The following PVR variants were observed in gnomAD, a reference collection of about 807,000 sequenced individuals.
PVR encodes the protein PVR cell adhesion molecule.
In PVR, 39 loss-of-function variants were observed where a neutral mutation model predicts 43.3. That is an observed-to-expected ratio of 0.90 (90% CI 0.70 to 1.18). The LOEUF (loss-of-function observed/expected upper bound fraction) is 1.18. Ranked by LOEUF, PVR falls within the 50% of genes most tolerant of loss-of-function variation. PVR has a pLI of 0.00. For synonymous variants in PVR, 224 were observed against 233.2 expected (o/e 0.96, Z 0.36); for missense variants, 480 against 549.7 (o/e 0.87, Z 1.27).
chr19:44,647,007 G>A (rs1451869630), intron 1 of PVR, among the ~76,000 whole-genome samples: 1 of 152,174 alleles, frequency 6.6e-6, no homozygotes, highest in Non-Finnish European at 1.5e-5. Flanking sequence ...GAAGGAGCAC[G>A]GCCAAGTTGC....
chr19:44,649,003 C>T (rs1178580528), intron 2 of PVR, among the ~76,000 whole-genome samples: 1 of 152,210 alleles, frequency 6.6e-6, no homozygotes, highest in East Asian at 1.9e-4. Flanking sequence ...GAAAGCCCAG[C>T]TCTGCTGCTT....
chr19:44,661,645 G>T (rs1009425063), intron 7 of PVR, 95 bp from the exon 8 acceptor site: 2 of 1,107,860 alleles, frequency 1.8e-6, no homozygotes, highest in Non-Finnish European at 2.7e-6. Flanking sequence ...AGGAGGGGAC[G>T]GGCCTGCAGT....
At position 44,662,210 on chromosome 19, in the gene PVR, T is replaced by G; in HGVS notation, c.*399T>G. 1 of 208,226 alleles carries G rather than the reference T, an allele frequency of 4.8e-6. No homozygotes were observed. The allele number at this position is 208,226 out of a possible 1,614,324, so 12.9% of individuals were successfully genotyped here. ...ACATGTGACAACATGCAAGAAGTAC[T>G]GCCAATACTGCCAACCAGAGCAGCT... On this transcript the variant is annotated 3_prime_UTR_variant, in exon 8 of 8. Coordinates refer to ENST00000425690, the MANE Select transcript of PVR (RefSeq NM_006505.5).
At chr19:44,656,393 C>G (rs572433521) in intron 4 of PVR, among the ~76,000 whole-genome samples, 10 of 152,166 alleles carry the variant, frequency 6.6e-5, no homozygotes, top group Non-Finnish European at 1.2e-4. Flanking sequence ...CTCAAAGCAC[C>G]GCAATTCAGG....
chr19:44,655,091 C>T (rs1007520427), intron 4 of PVR, among the ~76,000 whole-genome samples: 10 of 152,068 alleles, frequency 6.6e-5, no homozygotes, highest in African/African-American at 2.4e-4. Context: ...TTTTACTGAA[C>T]CGCCCTTTTT....
chr19:44,657,283 G>T (rs1396131507), intron 4 of PVR, among the ~76,000 whole-genome samples: 1 of 152,238 alleles, frequency 6.6e-6, no homozygotes, highest in Admixed American at 6.5e-5. Context: ...AATGGAAAAC[G>T]TGGGCAGAGG....
intron 1 of PVR, among the ~76,000 whole-genome samples, chr19:44,646,138 C>G (rs185083472): frequency 9.8e-4 from 150 of 152,290 alleles, no homozygotes; most frequent in African/African-American, 3.5e-3. Flanking sequence ...AGCCCCTGAT[C>G]TGTGTCAGCA....
chr19:44,650,072 C>T lies in PVR; in HGVS notation c.691C>T (p.Pro231Ser). The change falls in exon 3 of 8, where the codon CCT becomes TCT. Residue 231 changes from proline to serine, a missense_variant. Physicochemically the swap from Pro to Ser is moderately conservative, Grantham distance 74 (BLOSUM62 -1). Coordinates refer to ENST00000425690, the MANE Select transcript of PVR (RefSeq NM_006505.5). ...CKVEHESFEKPQLLTVNLTVY... is the reference protein window; with the variant it reads ...CKVEHESFEKSQLLTVNLTVY... The stretch of plus-strand genomic sequence containing the variant: ...GGTGGAGCACGAGAGCTTTGAGAAG[C>T]CTCAGCTGCTGACTGTGAACCTCAC... 6.5e-7 allele frequency: 1 copy of T among 1,545,256 alleles called. No individual in the cohort carries two copies. Among genetic ancestry groups the T allele is most frequent in the Non-Finnish European group, 8.7e-7 (1 of 1,145,250 alleles).
intron 4 of PVR, among the ~76,000 whole-genome samples, chr19:44,655,043 A>G (rs374922442): frequency 6.0e-5 from 9 of 149,880 alleles, no homozygotes; most frequent in African/African-American, 2.3e-4. Context: ...GAGATAATAC[A>G]TAATTTTATA....
chr19:44,648,245 G>A (rs1008195880), intron 2 of PVR, among the ~76,000 whole-genome samples: 21 of 152,156 alleles, frequency 1.4e-4, no homozygotes, highest in Admixed American at 7.2e-4. Context: ...GCGCTTCACC[G>A]CTGGCCCATG....
chr19:44,658,627 A>G (rs80332649), intron 5 of PVR, 115 bp from the exon 6 acceptor site: 30,314 of 915,896 alleles, frequency 0.033, 651 homozygotes, highest in Middle Eastern at 0.057. Flanking sequence ...CCTGAATTAA[A>G]TAGACTGAGG....
chr19:44,654,920 G>A (rs1317376773), intron 4 of PVR, among the ~76,000 whole-genome samples: 1 of 152,108 alleles, frequency 6.6e-6, no homozygotes, highest in Non-Finnish European at 1.5e-5. Context: ...TCTGGATGGA[G>A]CAAGTACTAT....
At chr19:44,650,782 C>T (rs568202763) in intron 3 of PVR, among the ~76,000 whole-genome samples, 2 of 152,102 alleles carry the variant, frequency 1.3e-5, no homozygotes, top group South Asian at 2.1e-4. Context: ...AGGCTGGTTT[C>T]GAACTCCTGA....
At chr19:44,661,573 C>T (rs888486925) in intron 7 of PVR, among the ~76,000 whole-genome samples, 167 bp from the exon 8 acceptor site, 1 of 152,160 alleles carries the variant, frequency 6.6e-6, no homozygotes, top group Admixed American at 6.6e-5. Flanking sequence ...CCCTGCCCCA[C>T]GCCCCTTCAA....
chr19:44,658,710 C>A, intron 5 of PVR, 32 bp from the exon 6 acceptor site: 1 of 1,556,030 alleles, frequency 6.4e-7, no homozygotes, highest in Non-Finnish European at 8.8e-7. Flanking sequence ...CAAGAGTTTC[C>A]TTACCTAAAT....
At position 44,657,761 on chromosome 19, in the gene PVR, G is replaced by A. The variant is rs763427793; in HGVS notation, c.843-1G>A. On this transcript the variant is annotated splice_acceptor_variant, in intron 4 of 7. Coordinates refer to ENST00000425690, the MANE Select transcript of PVR (RefSeq NM_006505.5). LOFTEE classifies it high-confidence loss of function. ...CCTCCTCACCTTTCTGTCTCTCCCA[G>A]GACCATGGGTCCCCTGCCACCCTTT... The A allele has an allele frequency of 8.1e-6, 13 of 1,613,930 alleles. No homozygotes were observed. Among genetic ancestry groups the A allele is most frequent in the Non-Finnish European group, 1.1e-5 (13 of 1,179,972 alleles).
chr19:44,655,863 CTTTTTT>C (rs11349440), intron 4 of PVR, among the ~76,000 whole-genome samples: 7 of 81,930 alleles, frequency 8.5e-5, no homozygotes, highest in Non-Finnish European at 1.5e-4. Flanking sequence ...AGCTCTCCTG[CTTTTTT>C]TTTTTTTTTT....
At chr19:44,661,362 G>A (rs767961651) in intron 7 of PVR, 39 bp downstream of exon 7, 1 of 1,606,180 alleles carries the variant, frequency 6.2e-7, no homozygotes, top group Non-Finnish European at 8.5e-7. Flanking sequence ...TGTGGGGTCT[G>A]CACGAACTAC....
At chr19:44,649,679 C>G (rs375584960) in intron 2 of PVR, 130 bp from the exon 3 acceptor site, 4 of 976,556 alleles carry the variant, frequency 4.1e-6, no homozygotes, top group Admixed American at 4.6e-5. Flanking sequence ...CCTCAGCCCC[C>G]CAAAGTTCTG....
Sources: gnomAD v4.1 joint callset for allele counts (sites outside exome capture counted in the v4.1 genomes callset) on GRCh38, gnomAD v4.1.1 for gene constraint, MANE v1.5 for transcripts, NCBI Gene and HGNC (gene_info 2026-07-23, HGNC 2026-07-21) for gene names.